CUBN: variants seen among roughly 807,000 people sequenced by gnomAD.
CUBN encodes 460 kDa receptor.
Under a neutral mutation model 405.3 loss-of-function variants are expected in CUBN, and 282 were observed. The ratio of observed to expected loss-of-function variants is 0.70; its 90% CI spans 0.63 to 0.77. CUBN has a LOEUF of 0.77. Among genes scored for constraint, CUBN ranks in the 30% least tolerant of loss-of-function variants. The probability of loss-of-function intolerance (pLI) is 0.00; values close to 1 mark genes in which losing one functional copy is unlikely to be tolerated. For missense variants in CUBN, 4,514 were observed against 4,475.2 expected (o/e 1.01, Z -0.25); for synonymous variants, 1,684 against 1,617.0 (o/e 1.04, Z -0.99).
At chr10:16,880,273 T>C (rs1840630100) in intron 56 of CUBN, among the ~76,000 whole-genome samples, 1 of 152,192 alleles carries the variant, frequency 6.6e-6, no homozygotes, top group Non-Finnish European at 1.5e-5. Flanking sequence ...CTGACCATGG[T>C]TGATTGATTG....
intron 10 of CUBN, among the ~76,000 whole-genome samples, chr10:17,105,790 C>G (rs1836615552): frequency 1.3e-5 from 2 of 152,188 alleles, no homozygotes; most frequent in Non-Finnish European, 2.9e-5. Context: ...ATGCCTTCCA[C>G]ACATTATTGA....
At chr10:16,967,757 TAAG>T (rs904101867) in intron 31 of CUBN, among the ~76,000 whole-genome samples, 14 of 124,412 alleles carry the variant, frequency 1.1e-4, no homozygotes, top group East Asian at 2.3e-4. Flanking sequence ...AAGGGAAAGA[TAAG>T]AAGAGAAGGA....
intron 28 of CUBN, among the ~76,000 whole-genome samples, chr10:16,998,485 C>T (rs1035490602): frequency 6.6e-6 from 1 of 152,194 alleles, no homozygotes; most frequent in African/African-American, 2.4e-5. Flanking sequence ...ACCCTGCCAA[C>T]ACCTTGACTT....
chr10:16,881,391 T>C (rs780837), intron 56 of CUBN, among the ~76,000 whole-genome samples: 95,806 of 152,088 alleles, frequency 0.63, 32,816 homozygotes, highest in East Asian at 0.84. Context: ...AAGGAACTAG[T>C]TGAAATACAG....
intron 28 of CUBN, among the ~76,000 whole-genome samples, chr10:17,001,810 C>T (rs1474700052): frequency 3.3e-5 from 5 of 152,020 alleles, no homozygotes; most frequent in Non-Finnish European, 5.9e-5. Context: ...TCCTGCATTC[C>T]TTCAATTTCA....
chr10:16,873,488 G>A (rs1486250780), intron 58 of CUBN, among the ~76,000 whole-genome samples: 5 of 152,142 alleles, frequency 3.3e-5, no homozygotes, highest in Non-Finnish European at 7.3e-5. Flanking sequence ...ATGGGAGGCC[G>A]AGGCGGGAGG....
intron 28 of CUBN, among the ~76,000 whole-genome samples, chr10:17,008,117 C>T (rs749598429): frequency 2.0e-5 from 3 of 152,098 alleles, no homozygotes; most frequent in Non-Finnish European, 4.4e-5. Context: ...CGCCACTGCA[C>T]TCTAGCCTGG....
chr10:16,932,758 A>G (rs1489423657), intron 40 of CUBN, among the ~76,000 whole-genome samples: 14 of 152,176 alleles, frequency 9.2e-5, no homozygotes, highest in Admixed American at 9.2e-4. Flanking sequence ...TCAGCCAGAA[A>G]CATAAAATAT....
chr10:17,053,550 T>G (rs536573105), intron 22 of CUBN, among the ~76,000 whole-genome samples: 1 of 152,022 alleles, frequency 6.6e-6, no homozygotes, highest in East Asian at 1.9e-4. Context: ...TGTGCATGCA[T>G]GAAGTAATAG....
At chr10:17,087,793 G>T (rs1836157146) in intron 15 of CUBN, among the ~76,000 whole-genome samples, 1 of 152,114 alleles carries the variant, frequency 6.6e-6, no homozygotes, top group Non-Finnish European at 1.5e-5. Flanking sequence ...GAATGCTACA[G>T]TTAAGCTGTG....
intron 30 of CUBN, among the ~76,000 whole-genome samples, 182 bp downstream of exon 30, chr10:16,983,923 C>T (rs1186880688): frequency 6.6e-6 from 1 of 152,116 alleles, no homozygotes; most frequent in African/African-American, 2.4e-5. Context: ...ATGTGGTGAC[C>T]CTTAGGAAGT....
At chr10:17,032,964 T>C (rs886677646) in intron 27 of CUBN, among the ~76,000 whole-genome samples, 2 of 152,190 alleles carry the variant, frequency 1.3e-5, no homozygotes, top group African/African-American at 4.8e-5. Context: ...TTCGATCTCA[T>C]GCTTCCTCCC....
At position 17,103,126 on chromosome 10, in the gene CUBN, T is replaced by G. The variant is rs1206182660; in HGVS notation, c.1529A>C (p.Lys510Thr). ...CFWVIKTEMG[K>T]VLRITFTFFR... is the part of the protein sequence containing the mutation. ...TTGGGCAAGAGTTACTACATTTACC[T>G]TTCCCATTTCAGTTTTGATAACCCA... The change falls in exon 13 of 67, where the codon AAG becomes ACG. Residue 510 changes from lysine (K) to threonine (T), a missense_variant and splice_region_variant. This residue lies in a region of CUBN where 1,448 missense variants were observed against 1,388.0 expected (regional missense o/e 1.04). Transcript: ENST00000377833. The G allele has an allele frequency of 6.3e-7, 1 of 1,587,756 alleles. No homozygotes were observed. The highest frequency in any genetic ancestry group is 1.7e-5 in the Admixed American group (1 of 59,982).
At chr10:16,890,617 G>T in intron 54 of CUBN, 90 bp from the exon 55 acceptor site, 2 of 1,237,064 alleles carry the variant, frequency 1.6e-6, no homozygotes, top group Non-Finnish European at 2.4e-6. Context: ...GCACTCACAC[G>T]TATACAGAAC....
intron 43 of CUBN, 30 bp from the exon 44 acceptor site, chr10:16,920,167 T>A: frequency 6.2e-7 from 1 of 1,611,660 alleles, no homozygotes; most frequent in South Asian, 1.1e-5. Flanking sequence ...AATCAGTCTA[T>A]GATCTGGTGA....
chr10:16,905,676 C>T (rs1409166061), intron 50 of CUBN, among the ~76,000 whole-genome samples: 2 of 152,128 alleles, frequency 1.3e-5, no homozygotes. Flanking sequence ...TACAGTGATC[C>T]GCCTCACTCA....
intron 22 of CUBN, among the ~76,000 whole-genome samples, chr10:17,059,144 G>GA (rs1302224844): frequency 6.6e-6 from 1 of 151,648 alleles, no homozygotes; most frequent in Non-Finnish European, 1.5e-5. Context: ...AGAAAGAAAT[G>GA]AAAAAACATA....
chr10:16,848,690 CTTTTTTTT>C (rs10562297), intron 60 of CUBN, among the ~76,000 whole-genome samples: 10 of 53,338 alleles, frequency 1.9e-4, no homozygotes, highest in Non-Finnish European at 3.4e-4. Context: ...CTCTCCCAGC[CTTTTTTTT>C]TTTTTTTTTT....
intron 40 of CUBN, among the ~76,000 whole-genome samples, chr10:16,929,348 T>C (rs2131588739): frequency 6.6e-6 from 1 of 152,280 alleles, no homozygotes; most frequent in East Asian, 1.9e-4. Flanking sequence ...GCAAAGGGGA[T>C]TATAGCAGAC....
Sources: gnomAD v4.1 joint callset for allele counts (sites outside exome capture counted in the v4.1 genomes callset) on GRCh38, gnomAD v4.1.1 for gene constraint, gnomAD v4.1.1 regional missense constraint, MANE v1.5 for transcripts, NCBI Gene and HGNC (gene_info 2026-07-23, HGNC 2026-07-21) for gene names.